FBXL17: variants seen among roughly 807,000 people sequenced by gnomAD.
FBXL17 encodes F-box and leucine rich repeat protein 17, also known as F-box/LRR-repeat protein 17.
FBXL17 carries 22 observed loss-of-function variants against 66.2 expected under a neutral mutation model. The observed-to-expected ratio is 0.33, with a 90% CI of 0.24 to 0.47. The LOEUF (loss-of-function observed/expected upper bound fraction) is 0.47. Ranked by LOEUF, FBXL17 falls within the 20% of genes least tolerant of loss-of-function variation. The pLI is 1.00. For synonymous variants in FBXL17, 474 were observed against 400.5 expected (o/e 1.18, Z -2.19); for missense variants, 878 against 948.2 (o/e 0.93, Z 0.97).
At chr5:107,885,497 T>G (rs1483531240) in intron 7 of FBXL17, among the ~76,000 whole-genome samples, 5 of 152,198 alleles carry the variant, frequency 3.3e-5, no homozygotes, top group Admixed American at 3.3e-4. Flanking sequence ...TGCAAAATGA[T>G]GGTAACAGCC....
chr5:107,963,748 A>G (rs1322379524), intron 7 of FBXL17, among the ~76,000 whole-genome samples: 1 of 152,184 alleles, frequency 6.6e-6, no homozygotes, highest in Non-Finnish European at 1.5e-5. Context: ...CAGAAAGCAC[A>G]TTTAGCTCTG....
intron 7 of FBXL17, among the ~76,000 whole-genome samples, chr5:107,979,208 G>A (rs913911166): frequency 4.6e-5 from 7 of 152,102 alleles, no homozygotes; most frequent in East Asian, 1.9e-4. Flanking sequence ...TGGAGTAAAC[G>A]GAATTATGTA....
intron 4 of FBXL17, among the ~76,000 whole-genome samples, chr5:108,258,841 A>G (rs957839248): frequency 2.0e-5 from 3 of 151,222 alleles, no homozygotes; most frequent in East Asian, 1.9e-4. Context: ...TGCTGAAGTG[A>G]TAACACACAG....
At chr5:108,142,313 T>A (rs1010571000) in intron 6 of FBXL17, among the ~76,000 whole-genome samples, 1 of 152,198 alleles carries the variant, frequency 6.6e-6, no homozygotes, top group Admixed American at 6.5e-5. Flanking sequence ...CAAATAGTAA[T>A]TTTTTTCAAA....
intron 7 of FBXL17, among the ~76,000 whole-genome samples, chr5:107,942,097 C>T (rs148044431): frequency 1.3e-5 from 2 of 152,310 alleles, no homozygotes; most frequent in African/African-American, 4.8e-5. Context: ...GCTTCTACCT[C>T]TCAGCACAGG....
chr5:107,958,825 A>G (rs1442347020), intron 7 of FBXL17, among the ~76,000 whole-genome samples: 1 of 152,230 alleles, frequency 6.6e-6, no homozygotes, highest in Admixed American at 6.5e-5. Context: ...TACATTCGAA[A>G]TTAAATGGAA....
intron 7 of FBXL17, among the ~76,000 whole-genome samples, chr5:107,906,670 A>G (rs538939582): frequency 2.6e-5 from 4 of 152,324 alleles, no homozygotes; most frequent in Non-Finnish European, 5.9e-5. Context: ...ATAAAACTGA[A>G]AAAAGGACAT....
chr5:108,160,508 T>C (rs946779187), intron 6 of FBXL17, among the ~76,000 whole-genome samples: 1 of 152,176 alleles, frequency 6.6e-6, no homozygotes, highest in Non-Finnish European at 1.5e-5. Context: ...GTGAACTGGG[T>C]TGGCATTCTA....
chr5:108,227,820 A>C (rs1431698457), intron 4 of FBXL17, among the ~76,000 whole-genome samples: 2 of 152,238 alleles, frequency 1.3e-5, no homozygotes, highest in African/African-American at 2.4e-5. Flanking sequence ...TTCTAAAGGC[A>C]TTATGTTAAC....
At chr5:108,085,004 A>G (rs1378513605) in intron 6 of FBXL17, among the ~76,000 whole-genome samples, 1 of 152,222 alleles carries the variant, frequency 6.6e-6, no homozygotes, top group African/African-American at 2.4e-5. Context: ...TTGGGTTTAC[A>G]TTTTTGAATT....
chr5:108,293,137 C>T (rs765145122), intron 4 of FBXL17, among the ~76,000 whole-genome samples: 3 of 148,240 alleles, frequency 2.0e-5, no homozygotes, highest in Non-Finnish European at 4.5e-5. Context: ...TGAATAGAAA[C>T]AGTATTCCTA....
Position 108,381,589 on chromosome 5 carries a change from G to T in FBXL17, c.103C>A (p.Arg35Ser), listed in dbSNP as rs1410320136. 5.5e-6 allele frequency: 8 copies of T among 1,458,800 alleles called. No homozygotes were observed. The highest frequency in any genetic ancestry group is 6.3e-6 in the Non-Finnish European group (7 of 1,112,474). The allele number at this position is 1,458,800 out of a possible 1,614,324, so 90.4% of individuals were successfully genotyped here. Residue 35 changes from arginine (R) to serine (S), a missense_variant, in exon 1 of 9, where the codon CGC (arginine) becomes AGC (serine). By Grantham distance (110) the Arg-to-Ser change is moderately radical. Transcript: ENST00000542267. Reference sequence around the variant, plus strand: ...GGGGGCACCTTGGCTGGGGTCCGGCGGGGCAGCCTGAGGAGAGGGCGCCGG... The same window carrying T: ...GGGGGCACCTTGGCTGGGGTCCGGCTGGGCAGCCTGAGGAGAGGGCGCCGG... ...RRRRPLLRLP[R>S]RTPAKVPPQP... is the part of the protein sequence containing the mutation.
chr5:108,222,734 C>T (rs925632667), intron 5 of FBXL17, among the ~76,000 whole-genome samples: 1 of 135,614 alleles, frequency 7.4e-6, no homozygotes, highest in Admixed American at 8.6e-5. Context: ...AGTGCAGTGG[C>T]GCAATCTCGG....
intron 7 of FBXL17, among the ~76,000 whole-genome samples, chr5:107,930,335 C>T (rs1750688282): frequency 6.6e-6 from 1 of 152,168 alleles, no homozygotes; most frequent in Non-Finnish European, 1.5e-5. Flanking sequence ...GGCCACTGTT[C>T]TCTCAGTTTC....
chr5:108,065,498 G>C (rs1269960951), intron 6 of FBXL17, among the ~76,000 whole-genome samples: 1 of 152,122 alleles, frequency 6.6e-6, no homozygotes, highest in African/African-American at 2.4e-5. Flanking sequence ...TTAATCCCTT[G>C]TACGTTGTGA....
Position 107,881,162 on chromosome 5 carries a change from G to A in FBXL17, c.1840C>T (p.Arg614Ter). The A allele has an allele frequency of 1.9e-6, 3 of 1,608,028 alleles. No individual in the cohort carries two copies. The highest frequency in any genetic ancestry group is 2.6e-6 in the Non-Finnish European group (3 of 1,176,292). Residue 614 changes from arginine to a stop codon, truncating the protein, a stop_gained, in exon 8 of 9, where the codon CGA becomes TGA. Coordinates refer to ENST00000542267, the MANE Select transcript of FBXL17 (RefSeq NM_001163315.3). LOFTEE classifies it high-confidence loss of function. Reference protein sequence around the residue: ...ITDYALIAIGRYSMTIETVDV... With the variant: ...ITDYALIAIG Reference sequence around the variant, plus strand: ...ACAGTCTCTATTGTCATGCTGTATCGCCCAATGGCTATCAGTGCTGCAAGA... The same window carrying A: ...ACAGTCTCTATTGTCATGCTGTATCACCCAATGGCTATCAGTGCTGCAAGA...
chr5:107,932,873 A>AT (rs113204642), intron 7 of FBXL17, among the ~76,000 whole-genome samples: 57,502 of 151,992 alleles, frequency 0.38, 11,607 homozygotes, highest in East Asian at 0.6. Flanking sequence ...TAAGAAATAC[A>AT]TAAGATGTCT....
At chr5:108,160,478 A>C (rs1232582225) in intron 6 of FBXL17, among the ~76,000 whole-genome samples, 1 of 152,216 alleles carries the variant, frequency 6.6e-6, no homozygotes, top group Non-Finnish European at 1.5e-5. Flanking sequence ...GTTCTCAGTT[A>C]GTAGCTTTGA....
chr5:108,235,558 CAG>C (rs1293102830), intron 4 of FBXL17, among the ~76,000 whole-genome samples: 1 of 152,214 alleles, frequency 6.6e-6, no homozygotes, highest in Non-Finnish European at 1.5e-5. Flanking sequence ...CTCATCAAGT[CAG>C]AGTGATCTTT....
Sources: allele counts gnomAD v4.1 joint callset (sites outside exome capture counted in the v4.1 genomes callset), GRCh38; gene constraint gnomAD v4.1.1; transcripts MANE v1.5; gene names NCBI Gene and HGNC (gene_info 2026-07-23, HGNC 2026-07-21).